CAP1: variants seen among roughly 807,000 people sequenced by gnomAD.
The protein encoded by CAP1 is cyclase associated actin cytoskeleton regulatory protein 1, also known as adenylyl cyclase-associated protein 1.
Under a neutral mutation model 58.2 loss-of-function variants are expected in CAP1, and 11 were observed. The observed-to-expected ratio is 0.19, with a 90% CI of 0.12 to 0.31. The LOEUF (loss-of-function observed/expected upper bound fraction) is 0.31. CAP1 is among the 10% of genes least tolerant of loss of function. The probability of loss-of-function intolerance (pLI) is 1.00; values close to 1 mark genes in which losing one functional copy is unlikely to be tolerated. For missense variants in CAP1, 423 were observed against 587.5 expected (o/e 0.72, Z 2.89); for synonymous variants, 183 against 213.8 (o/e 0.86, Z 1.26).
chr1:40,044,034 T>C (rs1264931174), intron 1 of CAP1, among the ~76,000 whole-genome samples: 1 of 152,208 alleles, frequency 6.6e-6, no homozygotes, highest in Non-Finnish European at 1.5e-5. Flanking sequence ...AGTGGTGATA[T>C]TGTTAAGATT....
intron 1 of CAP1, chr1:40,057,310 A>T (rs1318133612): frequency 6.6e-6 from 1 of 152,088 alleles, no homozygotes; most frequent in Non-Finnish European, 1.5e-5. Context: ...AGTGTGGTGG[A>T]TTGTATATAT....
chr1:40,070,149 T>G lies in CAP1; in HGVS notation c.994-10T>G. On this transcript the variant is annotated splice_polypyrimidine_tract_variant and intron_variant, in intron 9 of 12. Transcript: ENST00000372805. ...TTTGTGATGAGAATCCTGGGATCTCTCTCTAACAGGAAAATCAGGAAAATG... is the reference window on the plus strand; with the variant it reads ...TTTGTGATGAGAATCCTGGGATCTCGCTCTAACAGGAAAATCAGGAAAATG... 6.2e-7 allele frequency: 1 copy of G among 1,613,874 alleles called. No homozygotes were observed. Among genetic ancestry groups the G allele is most frequent in the Non-Finnish European group, 8.5e-7 (1 of 1,180,024 alleles).
Position 40,054,938 on chromosome 1 carries a change from G to A in CAP1, c.-10-4399G>A, listed in dbSNP as rs551214716. On this transcript the variant is annotated intron_variant, in intron 1 of 12. Transcript: ENST00000372805. ...CCCAAAGTGCTGGGATTACAGGCGTGAGCCACCATGCCCGGCCAAATAAAT... is the reference window on the plus strand; with the variant it reads ...CCCAAAGTGCTGGGATTACAGGCGTAAGCCACCATGCCCGGCCAAATAAAT... Among the ~76,000 whole-genome samples, 247 of 152,332 alleles carry A rather than the reference G, an allele frequency of 1.6e-3. 1 individual carries two copies. The highest frequency in any genetic ancestry group is 5.8e-3 in the African/African-American group (241 of 41,574).
intron 1 of CAP1, among the ~76,000 whole-genome samples, chr1:40,058,571 C>T (rs1304311713): frequency 6.6e-6 from 1 of 152,018 alleles, no homozygotes; most frequent in African/African-American, 2.4e-5. Context: ...ACTAAAACTA[C>T]AAAAAATTAG....
At chr1:40,055,674 A>T (rs1646581558) in intron 1 of CAP1, among the ~76,000 whole-genome samples, 1 of 152,022 alleles carries the variant, frequency 6.6e-6, no homozygotes, top group South Asian at 2.1e-4. Flanking sequence ...GCTTGGAAAA[A>T]TTTTAAATTA....
At chr1:40,070,333 G>A (rs1647648807) in intron 10 of CAP1, 51 bp downstream of exon 10, 2 of 1,612,500 alleles carry the variant, frequency 1.2e-6, no homozygotes, top group Admixed American at 3.3e-5. Context: ...GCCCGAGAAG[G>A]CTAATACCAT....
intron 3 of CAP1, among the ~76,000 whole-genome samples, chr1:40,061,063 T>TC (rs1218688147): frequency 6.6e-6 from 1 of 152,218 alleles, no homozygotes; most frequent in African/African-American, 2.4e-5. Flanking sequence ...TTTCTTAAAT[T>TC]CTTTTGACTG....
chr1:40,055,116 T>C (rs1302732693), intron 1 of CAP1, among the ~76,000 whole-genome samples: 1 of 152,152 alleles, frequency 6.6e-6, no homozygotes, highest in Non-Finnish European at 1.5e-5. Flanking sequence ...AGGGAAAACA[T>C]CTAAGCAGAG....
chr1:40,054,326 G>A (rs1422716918), intron 1 of CAP1, among the ~76,000 whole-genome samples: 1 of 151,940 alleles, frequency 6.6e-6, no homozygotes, highest in East Asian at 1.9e-4. Flanking sequence ...AAGTAGCTGG[G>A]ACTACAGGCG....
chr1:40,049,351 C>A lies in CAP1; in HGVS notation c.-11+8550C>A, dbSNP rs116032080. Among the ~76,000 whole-genome samples, 852 of 151,884 alleles carry A rather than the reference C, an allele frequency of 5.6e-3. 6 individuals are homozygous for A. The highest frequency in any genetic ancestry group is 0.02 in the African/African-American group (824 of 41,412). On this transcript the variant is annotated intron_variant, in intron 1 of 12. Transcript: ENST00000372805. ...TTTTACAAGATGATTTCTAGGATTA[C>A]AGGCATGCACCACCATGCCTGGTTA...
At chr1:40,053,246 T>C (rs1646461385) in intron 1 of CAP1, among the ~76,000 whole-genome samples, 1 of 151,812 alleles carries the variant, frequency 6.6e-6, no homozygotes, top group Admixed American at 6.6e-5. Flanking sequence ...AAATGGAAGA[T>C]GATAATAATG....
In CAP1 at chr1:40,068,281, A is replaced by AT. The variant is rs1050152503; in HGVS notation, c.808+572dup. Reference sequence around the variant, plus strand: ...TTGATGAAATGTTTTTTATTTTTTTATTTTTTTTGAGACGGAGTTTTGCTC... The same window carrying AT: ...TTGATGAAATGTTTTTTATTTTTTTATTTTTTTTTGAGACGGAGTTTTGCTC... On this transcript the variant is annotated intron_variant, in intron 8 of 12. Transcript: ENST00000372805. Among the ~76,000 whole-genome samples, 77 of 151,566 alleles carry AT rather than the reference A, an allele frequency of 5.1e-4. 1 individual carries two copies. In the South Asian group the frequency reaches 8.4e-3, roughly 16 times the overall value.
chr1:40,064,346 C>T lies in CAP1; in HGVS notation c.414C>T (p.Ile138=). The part of the protein sequence containing the change: ...FNHLSAVSES[I]QALGWVAMAP... Reference sequence around the variant, plus strand: ...ACCTGTCAGCTGTCAGCGAAAGTATCCAGGCCCTGGGCTGGGTGGCTATGG... The same window carrying T: ...ACCTGTCAGCTGTCAGCGAAAGTATTCAGGCCCTGGGCTGGGTGGCTATGG... The change falls in exon 5 of 13, where the codon ATC becomes ATT. Residue 138 remains isoleucine (I), a synonymous_variant. Transcript: ENST00000372805. 1 of 1,614,150 alleles carries T rather than the reference C, an allele frequency of 6.2e-7. No homozygotes were observed. The highest frequency in any genetic ancestry group is 1.1e-5 in the South Asian group (1 of 91,078).
At chr1:40,054,872 A>T (rs1175721718) in intron 1 of CAP1, among the ~76,000 whole-genome samples, 3 of 151,886 alleles carry the variant, frequency 2.0e-5, no homozygotes, top group Admixed American at 2.0e-4. Context: ...GGCCAGGCTG[A>T]TCTCAAACTC....
At chr1:40,064,429 A>G (rs768723116) in intron 5 of CAP1, 45 bp from the exon 6 acceptor site, 29 of 1,612,048 alleles carry the variant, frequency 1.8e-5, no homozygotes, top group Non-Finnish European at 2.1e-5. Context: ...GGAAGGCAAT[A>G]TAGTTGGAGA....
rs1647686148 is a variant in CAP1 at position 40,070,426 on chromosome 1, C to T, written c.1118-4C>T. The T allele has an allele frequency of 6.2e-7, 1 of 1,612,848 alleles. No individual in the cohort carries two copies. On this transcript the variant is annotated splice_polypyrimidine_tract_variant and splice_region_variant and intron_variant, in intron 10 of 12. Coordinates refer to ENST00000372805, the MANE Select transcript of CAP1 (RefSeq NM_006367.4). ...ACGTTGACACACTCCCTTTCTTCTC[C>T]TAGATAACTGTAAGAAACTTGGCCT...
At chr1:40,056,278 G>C (rs1394629009) in intron 1 of CAP1, among the ~76,000 whole-genome samples, 2 of 149,652 alleles carry the variant, frequency 1.3e-5, no homozygotes, top group Non-Finnish European at 3.0e-5. Context: ...CATCCAGGTA[G>C]CGATGTCTAG....
intron 1 of CAP1, among the ~76,000 whole-genome samples, chr1:40,044,788 CTTTTTTT>C (rs71060347): frequency 7.4e-4 from 63 of 85,236 alleles, no homozygotes; most frequent in Non-Finnish European, 1.1e-3. Flanking sequence ...CCATATAATT[CTTTTTTT>C]TTTTTTTTTT....
At chr1:40,057,931 A>T (rs1646685711) in intron 1 of CAP1, among the ~76,000 whole-genome samples, 1 of 152,178 alleles carries the variant, frequency 6.6e-6, no homozygotes, top group Non-Finnish European at 1.5e-5. Flanking sequence ...TTTTACACTT[A>T]TGTGTGACTT....
Sources: gnomAD v4.1 joint callset for allele counts (sites outside exome capture counted in the v4.1 genomes callset) on GRCh38, gnomAD v4.1.1 for gene constraint, MANE v1.5 for transcripts, NCBI Gene and HGNC (gene_info 2026-07-23, HGNC 2026-07-21) for gene names.